The following LUZP1 variants were observed in gnomAD, a reference collection of about 807,000 sequenced individuals.
The protein encoded by LUZP1 is leucine zipper protein 1, also known as filamin mechanobinding actin cross-linking protein.
A neutral mutation model predicts 71.3 loss-of-function variants in LUZP1; 25 were observed. The ratio of observed to expected loss-of-function variants is 0.35; its 90% CI spans 0.26 to 0.49. The LOEUF is 0.49. Ranked by LOEUF, LUZP1 falls within the 20% of genes least tolerant of loss-of-function variation. LUZP1 has a pLI of 0.99. For synonymous variants in LUZP1, 481 were observed against 506.4 expected (o/e 0.95, Z 0.67); for missense variants, 1,142 against 1,300.8 (o/e 0.88, Z 1.88).
intron 3 of LUZP1, among the ~76,000 whole-genome samples, chr1:23,106,270 C>T (rs946274125): frequency 2.1e-4 from 32 of 152,104 alleles, no homozygotes; most frequent in Non-Finnish European, 4.4e-4. Flanking sequence ...CAATGACATC[C>T]TCAAACCCCT....
At chr1:23,106,913 T>C (rs916213326) in intron 3 of LUZP1, among the ~76,000 whole-genome samples, 13 of 152,202 alleles carry the variant, frequency 8.5e-5, no homozygotes, top group Non-Finnish European at 1.8e-4. Flanking sequence ...CTAAGCTCTT[T>C]AGTGCACCTC....
chr1:23,095,203 TA>T (rs1324327818), intron 3 of LUZP1, among the ~76,000 whole-genome samples: 1 of 152,232 alleles, frequency 6.6e-6, no homozygotes, highest in Non-Finnish European at 1.5e-5. Context: ...TTTTTTTATG[TA>T]ATTTTCTCAT....
intron 2 of LUZP1, among the ~76,000 whole-genome samples, chr1:23,158,880 GCC>G: frequency 6.8e-6 from 1 of 146,080 alleles, no homozygotes; most frequent in South Asian, 2.2e-4. Context: ...GGCAGGAGAA[GCC>G]CTTGAACCCG....
chr1:23,087,515 G>A (rs1643784096), exon 5 of LUZP1: 1 of 152,574 alleles, frequency 6.6e-6, no homozygotes, highest in Non-Finnish European at 1.5e-5. Flanking sequence ...AGGAAGTAAA[G>A]CCATGGGGAA....
intron 2 of LUZP1, among the ~76,000 whole-genome samples, chr1:23,152,442 CAG>C (rs1196459983): frequency 2.0e-5 from 3 of 152,126 alleles, no homozygotes; most frequent in Non-Finnish European, 2.9e-5. Flanking sequence ...ATGCAGTCCA[CAG>C]AGAATTTGAG....
chr1:23,160,818 G>A (rs1323274978), intron 2 of LUZP1, among the ~76,000 whole-genome samples: 1 of 152,056 alleles, frequency 6.6e-6, no homozygotes, highest in African/African-American at 2.4e-5. Context: ...AATATGAGGG[G>A]TACTGGCATA....
In LUZP1 at chr1:23,094,037, A is replaced by G. The variant is rs1643879516; in HGVS notation, c.225T>C (p.Ile75=). 1.2e-6 allele frequency: 2 copies of G among 1,614,008 alleles called. No homozygotes were observed. Among genetic ancestry groups the G allele is most frequent in the Admixed American group, 1.7e-5 (1 of 59,988 alleles). ...TCTTAATTTCCTCGTCTTTGCCTTC[A>G]ATTCTCAGCACCCGCTGGCGCAGCA... Residue 75 remains isoleucine (I), a synonymous_variant, in exon 4 of 5, where the codon ATT becomes ATC. Transcript: ENST00000302291. This position sits in a 1 kb window ranked among gnomAD's most constrained non-coding sequence, Gnocchi z 4.7.
intron 2 of LUZP1, among the ~76,000 whole-genome samples, chr1:23,112,847 G>C (rs1644045468): frequency 6.6e-6 from 1 of 152,168 alleles, no homozygotes; most frequent in Non-Finnish European, 1.5e-5. Flanking sequence ...AGAGTCTCAG[G>C]TTCTGTGTGT....
chr1:23,131,082 G>C (rs533689902), intron 2 of LUZP1, among the ~76,000 whole-genome samples: 6 of 151,932 alleles, frequency 3.9e-5, no homozygotes, highest in Non-Finnish European at 5.9e-5. Context: ...AGCCAGGCGT[G>C]GTGGCGGGCA....
exon 4 of LUZP1, chr1:23,092,648 G>A: frequency 1.2e-6 from 2 of 1,614,200 alleles, no homozygotes; most frequent in Non-Finnish European, 1.7e-6. Flanking sequence ...TCTTGCCAAA[G>A]ACAGTCTCAG....
In LUZP1 at chr1:23,117,488, C is replaced by A. The variant is rs1557653830; in HGVS notation, c.-225-8361G>T. Reference sequence around the variant, plus strand: ...CTCTCTCTCTCTCTCCCCCCCCCCCCCCCACAATCAGGAAGCCCTGGGGGG... The same window carrying A: ...CTCTCTCTCTCTCTCCCCCCCCCCCACCCACAATCAGGAAGCCCTGGGGGG... On this transcript the variant is annotated intron_variant, in intron 2 of 4. Transcript: ENST00000302291. 1.7e-4 allele frequency among the ~76,000 whole-genome samples: 9 copies of A among 52,930 alleles called. 1 individual carries two copies. The highest frequency in any genetic ancestry group is 0.012 in the Middle Eastern group (1 of 86). 34.7% of individuals were successfully genotyped at this position (52,930 alleles called of 152,430 possible).
intron 2 of LUZP1, among the ~76,000 whole-genome samples, chr1:23,154,081 C>T (rs937241640): frequency 2.0e-5 from 3 of 152,134 alleles, no homozygotes; most frequent in African/African-American, 7.2e-5. Flanking sequence ...GACTAAAAGG[C>T]TACAGACTAC....
chr1:23,121,837 C>A (rs1644131892), intron 2 of LUZP1, among the ~76,000 whole-genome samples: 2 of 151,800 alleles, frequency 1.3e-5, no homozygotes, highest in Non-Finnish European at 2.9e-5. Flanking sequence ...CATGGTGAAA[C>A]CCCCCCTCTA....
At chr1:23,167,340 C>A (rs1644517376) in intron 2 of LUZP1, among the ~76,000 whole-genome samples, 1 of 152,180 alleles carries the variant, frequency 6.6e-6, no homozygotes, top group Non-Finnish European at 1.5e-5. Flanking sequence ...AAAAGAAATA[C>A]CCTGAGCAAA....
At chr1:23,142,193 T>C (rs1320981499) in intron 2 of LUZP1, among the ~76,000 whole-genome samples, 1 of 151,828 alleles carries the variant, frequency 6.6e-6, no homozygotes, top group Non-Finnish European at 1.5e-5. Context: ...AGGATCTTGC[T>C]ACATTGCCCA....
rs182690380 is a variant in LUZP1, at chr1:23,100,914, G to A, written c.-119-6534C>T. Among the ~76,000 whole-genome samples, 116 of 152,122 alleles carry A rather than the reference G, an allele frequency of 7.6e-4. 1 individual carries two copies. The highest frequency in any genetic ancestry group is 6.5e-3 in the Admixed American group (100 of 15,286). ...GGAAACGGACTCAGAAGTAAATACTGTGCTTTTTCCAGCAGTTTAGCAAAA... is the reference window on the plus strand; with the variant it reads ...GGAAACGGACTCAGAAGTAAATACTATGCTTTTTCCAGCAGTTTAGCAAAA... On this transcript the variant is annotated intron_variant, in intron 3 of 4. Transcript: ENST00000302291.
At chr1:23,156,207 C>T (rs565508781) in intron 2 of LUZP1, among the ~76,000 whole-genome samples, 7 of 152,126 alleles carry the variant, frequency 4.6e-5, no homozygotes, top group African/African-American at 1.4e-4. Flanking sequence ...TGGTGAAACC[C>T]TGTCTCTACT....
At chr1:23,159,308 T>C (rs1227948846) in intron 2 of LUZP1, among the ~76,000 whole-genome samples, 1 of 151,954 alleles carries the variant, frequency 6.6e-6, no homozygotes, top group African/African-American at 2.4e-5. Context: ...ACCACTGCAC[T>C]CCAGCCTGGG....
intron 2 of LUZP1, among the ~76,000 whole-genome samples, chr1:23,123,898 T>TCTAAAGA (rs1400143696): frequency 6.6e-6 from 1 of 152,240 alleles, no homozygotes; most frequent in African/African-American, 2.4e-5. Flanking sequence ...TAATGTACTT[T>TCTAAAGA]CTAAAGATCC....
Sources: allele counts gnomAD v4.1 joint callset (sites outside exome capture counted in the v4.1 genomes callset), GRCh38; gene constraint gnomAD v4.1.1; non-coding constraint Gnocchi (gnomAD v3.1); transcripts MANE v1.5; gene names NCBI Gene and HGNC (gene_info 2026-07-23, HGNC 2026-07-21).